The following PDE8B variants were observed in gnomAD, a reference collection of about 807,000 sequenced individuals.
The protein encoded by PDE8B is phosphodiesterase 8B.
A neutral mutation model predicts 101.3 loss-of-function variants in PDE8B; 26 were observed. That is an observed-to-expected ratio of 0.26 (90% CI 0.19 to 0.36). PDE8B has a LOEUF of 0.36. PDE8B is among the 10% of genes least tolerant of loss of function. PDE8B has a pLI of 1.00. For synonymous variants in PDE8B, 424 were observed against 429.3 expected, an observed-to-expected ratio of 0.99 and a Z score of 0.15; for missense variants, 810 against 1,163.1, an observed-to-expected ratio of 0.70 and a Z score of 4.42.
chr5:77,307,890 C>A (rs1315437535), intron 1 of PDE8B, among the ~76,000 whole-genome samples: 1 of 152,178 alleles, frequency 6.6e-6, no homozygotes, highest in Non-Finnish European at 1.5e-5. Flanking sequence ...CTGACCCTGG[C>A]AAACTTGGCC....
chr5:77,091,508 G>C, the PDE8B span, among the ~76,000 whole-genome samples: 1 of 152,122 alleles, frequency 6.6e-6, no homozygotes, highest in Non-Finnish European at 1.5e-5. Flanking sequence ...CGGGTGTGGT[G>C]GTGGGTCCCT....
intron 6 of PDE8B, among the ~76,000 whole-genome samples, chr5:77,338,046 G>A (rs1469473885): frequency 6.6e-6 from 1 of 152,198 alleles, no homozygotes; most frequent in Non-Finnish European, 1.5e-5. Flanking sequence ...AGGGAAAGGA[G>A]GAGGCTCTTC....
At chr5:77,091,346 A>G in the PDE8B span, among the ~76,000 whole-genome samples, 3 of 152,226 alleles carry the variant, frequency 2.0e-5, no homozygotes, top group African/African-American at 7.2e-5. Flanking sequence ...AAGAAAAGTA[A>G]CTAGTATAAA....
the PDE8B span, among the ~76,000 whole-genome samples, chr5:77,123,228 G>A: frequency 1.3e-5 from 2 of 151,954 alleles, no homozygotes; most frequent in Admixed American, 6.6e-5. Context: ...GGTGGTGTAG[G>A]GCATAGAGAA....
At chr5:77,362,297 T>C (rs1783248738) in intron 10 of PDE8B, among the ~76,000 whole-genome samples, 1 of 152,160 alleles carries the variant, frequency 6.6e-6, no homozygotes, top group Non-Finnish European at 1.5e-5. Flanking sequence ...AAAATTAAAT[T>C]ACATAAACAT....
the PDE8B span, chr5:77,146,056 T>C: frequency 6.6e-6 from 1 of 152,218 alleles, no homozygotes; most frequent in Non-Finnish European, 1.5e-5. Context: ...GAAATGTCTA[T>C]AACTATTTTA....
intron 1 of PDE8B, among the ~76,000 whole-genome samples, chr5:77,285,490 T>C (rs927694147): frequency 5.3e-5 from 8 of 152,200 alleles, no homozygotes; most frequent in Non-Finnish European, 7.4e-5. Context: ...TCTGAATCAT[T>C]GTCCCACTGT....
Position 77,210,697 on chromosome 5 carries a change from C to T in PDE8B, c.-229C>T, listed in dbSNP as rs1748068894. 3 of 979,982 alleles carry T rather than the reference C, an allele frequency of 3.1e-6. No individual in the cohort carries two copies. Among genetic ancestry groups the T allele is most frequent in the South Asian group, 9.4e-5 (2 of 21,262 alleles). The allele number at this position is 979,982 out of a possible 1,614,324, so 60.7% of individuals were successfully genotyped here. A position where few individuals can be genotyped will look rare whatever the true frequency, so the allele number is the denominator to read the frequency against. On this transcript the variant is annotated 5_prime_UTR_variant, in exon 1 of 22. Coordinates refer to ENST00000264917, the MANE Select transcript of PDE8B (RefSeq NM_003719.5). The surrounding 1 kb of genome is among the most constrained non-coding windows in gnomAD (Gnocchi z 4.9). The stretch of plus-strand genomic sequence containing the variant: ...GGGGCGCTGTGTATGCGCGCTCCCC[C>T]GCTCGGGGAGGAAGATGGCCCAAAA...
At chr5:77,393,409 AAGAAAG>A (rs1371278264) in intron 10 of PDE8B, among the ~76,000 whole-genome samples, 3 of 151,942 alleles carry the variant, frequency 2.0e-5, no homozygotes, top group Non-Finnish European at 4.4e-5. Context: ...AAAAAAAAGA[AAGAAAG>A]AAAAAGAAAA....
chr5:77,112,503 G>A, the PDE8B span: 1 of 151,918 alleles, frequency 6.6e-6, no homozygotes, highest in African/African-American at 2.4e-5. Flanking sequence ...CTTAACAGTT[G>A]TTGTTCATTC....
chr5:77,215,406 T>G (rs1004280494), intron 1 of PDE8B, among the ~76,000 whole-genome samples: 3 of 152,262 alleles, frequency 2.0e-5, no homozygotes, highest in Non-Finnish European at 2.9e-5. Context: ...GTTTGCCTTC[T>G]GCCATTGTAT....
At chr5:77,097,089 T>C in the PDE8B span, among the ~76,000 whole-genome samples, 1 of 152,310 alleles carries the variant, frequency 6.6e-6, no homozygotes, top group South Asian at 2.1e-4. Flanking sequence ...AGTTTTTCCT[T>C]AATTATATAC....
At chr5:77,155,677 C>T in the PDE8B span, among the ~76,000 whole-genome samples, 1 of 152,146 alleles carries the variant, frequency 6.6e-6, no homozygotes, top group African/African-American at 2.4e-5. Context: ...GTGCTGTCAT[C>T]ACCCTCATTT....
At chr5:77,419,552 A>C (rs11750342) in intron 18 of PDE8B, among the ~76,000 whole-genome samples, 1 of 152,098 alleles carries the variant, frequency 6.6e-6, no homozygotes, top group Non-Finnish European at 1.5e-5. Context: ...AATACTCATA[A>C]ATCACATAAG....
chr5:77,098,291 T>C, the PDE8B span, among the ~76,000 whole-genome samples: 1 of 129,922 alleles, frequency 7.7e-6, no homozygotes, highest in Non-Finnish European at 1.7e-5. Context: ...TCTTTTTTTT[T>C]TTAAAAAAAA....
intron 17 of PDE8B, among the ~76,000 whole-genome samples, chr5:77,413,846 A>G (rs151153616): frequency 1.9e-4 from 29 of 152,272 alleles, no homozygotes; most frequent in African/African-American, 6.7e-4. Flanking sequence ...TTACAGTTCA[A>G]TACTGTCATG....
chr5:77,156,942 C>T, the PDE8B span, among the ~76,000 whole-genome samples: 101 of 152,284 alleles, frequency 6.6e-4, 1 homozygote, highest in Admixed American at 6.3e-3. Context: ...TCTCCCCTTT[C>T]TCTGCCTGGA....
the PDE8B span, chr5:77,144,646 A>AGATG: frequency 6.6e-6 from 1 of 151,472 alleles, no homozygotes; most frequent in East Asian, 1.9e-4. Flanking sequence ...TTTTGGAGAG[A>AGATG]GATGACCTAG....
chr5:77,096,968 A>T, the PDE8B span, among the ~76,000 whole-genome samples: 1 of 152,188 alleles, frequency 6.6e-6, no homozygotes, highest in Non-Finnish European at 1.5e-5. Flanking sequence ...GTTCAACTCA[A>T]AGCACCTACA....
Sources: allele counts gnomAD v4.1 joint callset (sites outside exome capture counted in the v4.1 genomes callset), GRCh38; gene constraint gnomAD v4.1.1; non-coding constraint Gnocchi (gnomAD v3.1); transcripts MANE v1.5; gene names NCBI Gene and HGNC (gene_info 2026-07-23, HGNC 2026-07-21).